ARHGAP32: variants seen among roughly 807,000 people sequenced by gnomAD.
ARHGAP32 encodes the protein Rho GTPase activating protein 32, also known as rho GTPase-activating protein 32.
ARHGAP32 carries 51 observed loss-of-function variants against 186.5 expected under a neutral mutation model. The ratio of observed to expected loss-of-function variants is 0.27; its 90% CI spans 0.22 to 0.35. The LOEUF (loss-of-function observed/expected upper bound fraction) is 0.35, where lower values mean the gene tolerates loss of function less well. ARHGAP32 is among the 10% of genes least tolerant of loss of function. ARHGAP32 has a pLI of 1.00. For missense variants in ARHGAP32, 2,186 were observed against 2,623.5 expected (o/e 0.83, Z 3.64); for synonymous variants, 950 against 964.3 (o/e 0.99, Z 0.27).
At chr11:129,112,409 C>T (rs1942247257) in intron 5 of ARHGAP32, among the ~76,000 whole-genome samples, 1 of 151,920 alleles carries the variant, frequency 6.6e-6, no homozygotes, top group African/African-American at 2.4e-5. Flanking sequence ...TTCTGAGCTT[C>T]CTGTATCTGC....
chr11:129,019,830 A>C (rs1322321468), intron 11 of ARHGAP32, among the ~76,000 whole-genome samples: 1 of 152,162 alleles, frequency 6.6e-6, no homozygotes, highest in African/African-American at 2.4e-5. Context: ...AGTCTAATTA[A>C]GGTCATCCAT....
chr11:129,101,724 A>G (rs1941904828), intron 5 of ARHGAP32, among the ~76,000 whole-genome samples: 1 of 152,192 alleles, frequency 6.6e-6, no homozygotes, highest in Admixed American at 6.5e-5. Flanking sequence ...CCAAATCTAC[A>G]ACCCCCTGGT....
chr11:129,068,503 A>T (rs1330681090), intron 6 of ARHGAP32, among the ~76,000 whole-genome samples: 1 of 152,062 alleles, frequency 6.6e-6, no homozygotes. Context: ...AAGTGGTAAC[A>T]CCAATTTATT....
At position 129,164,340 on chromosome 11, in the gene ARHGAP32, C is replaced by T. The variant is rs1222333305; in HGVS notation, c.204G>A (p.Trp68Ter). Residue 68 changes from tryptophan (W) to a stop codon, truncating the protein, a stop_gained, in exon 2 of 23, where the codon TGG (tryptophan) becomes TGA (stop). Transcript: ENST00000682385. LOFTEE classifies it high-confidence loss of function. ...TTACCATTGCGCTAAGAGTTTCTTCCCAATCAGGCCGCTCTCGAGGGTGTA... is the reference window on the plus strand; with the variant it reads ...TTACCATTGCGCTAAGAGTTTCTTCTCAATCAGGCCGCTCTCGAGGGTGTA... ...RNVHPRERPD[W>*]EETLSAMARG... 1.3e-6 allele frequency: 2 copies of T among 1,573,268 alleles called. No homozygotes were observed. The highest frequency in any genetic ancestry group is 2.3e-5 in the East Asian group (1 of 43,502).
At position 129,192,153 on chromosome 11, in the gene ARHGAP32, A is replaced by G. The variant is rs763213953; in HGVS notation, c.46T>C (p.Phe16Leu). The change falls in exon 1 of 23, where the codon TTC (phenylalanine) becomes CTC (leucine). Residue 16 changes from phenylalanine (F) to leucine (L), a missense_variant. By Grantham distance (22) the Phe-to-Leu change is conservative (BLOSUM62 0). This residue lies in a region of ARHGAP32 where 108 missense variants were observed against 116.8 expected (regional missense o/e 0.92). Transcript: ENST00000682385. ...ATTATAACTTCAGACTCCAACCAGA[A>G]GACACTGTCATCCCCTAAAGTGCTA... ...ESSTLGDDSV[F>L]WLESEVIIQV... is the part of the protein sequence containing the mutation. The G allele has an allele frequency of 6.2e-7, 1 of 1,613,802 alleles. No homozygotes were observed. The highest frequency in any genetic ancestry group is 1.3e-5 in the African/African-American group (1 of 74,922).
chr11:128,973,923 A>G (rs528273087), intron 21 of ARHGAP32: 4 of 611,994 alleles, frequency 6.5e-6, no homozygotes, highest in Non-Finnish European at 1.1e-5. Context: ...GAAGATTTGA[A>G]GCAGGACCAT....
At chr11:129,218,034 G>A (rs1357365069) in intron 1 of ARHGAP32, among the ~76,000 whole-genome samples, 2 of 152,182 alleles carry the variant, frequency 1.3e-5, no homozygotes, top group African/African-American at 4.8e-5. Context: ...CACAGTGCTT[G>A]TAAGTTGCTC....
At chr11:129,106,986 GAGTTCCACACCA>G (rs1942065220) in intron 5 of ARHGAP32, among the ~76,000 whole-genome samples, 1 of 152,084 alleles carries the variant, frequency 6.6e-6, no homozygotes, top group African/African-American at 2.4e-5. Flanking sequence ...AAAATCCAAA[GAGTTCCACACCA>G]AGACACACTA....
intron 6 of ARHGAP32, among the ~76,000 whole-genome samples, chr11:129,080,462 T>C (rs1048077009): frequency 2.0e-5 from 3 of 152,106 alleles, no homozygotes; most frequent in South Asian, 4.1e-4. Flanking sequence ...CTCAAAACTA[T>C]GCAAATACAT....
intron 1 of ARHGAP32, among the ~76,000 whole-genome samples, chr11:129,263,458 C>G (rs920070531): frequency 2.0e-5 from 3 of 151,710 alleles, no homozygotes; most frequent in Non-Finnish European, 4.4e-5. Flanking sequence ...AAGTGGCCAA[C>G]AAGCATATGA....
At chr11:129,012,383 C>T (rs953540445) in intron 11 of ARHGAP32, among the ~76,000 whole-genome samples, 2 of 152,200 alleles carry the variant, frequency 1.3e-5, no homozygotes, top group African/African-American at 2.4e-5. Context: ...AACACTCACA[C>T]ACTTTCCTGA....
chr11:129,214,340 T>C (rs1030048150), intron 1 of ARHGAP32, among the ~76,000 whole-genome samples: 9 of 152,318 alleles, frequency 5.9e-5, no homozygotes, highest in Admixed American at 2.0e-4. Context: ...GTAGGGGAAA[T>C]TGGATATGAG....
intron 1 of ARHGAP32, among the ~76,000 whole-genome samples, chr11:129,268,323 TGGA>T (rs1393776281): frequency 1.3e-5 from 2 of 152,130 alleles, no homozygotes; most frequent in African/African-American, 4.8e-5. Flanking sequence ...CAGAAATGCA[TGGA>T]GTAGTGTTCC....
intron 1 of ARHGAP32, among the ~76,000 whole-genome samples, chr11:129,227,607 G>T (rs1172020305): frequency 1.3e-5 from 2 of 151,896 alleles, no homozygotes; most frequent in East Asian, 3.9e-4. Context: ...ATACCAAAAG[G>T]AGAGATGAAA....
Position 129,013,958 on chromosome 11 carries a change from C to T in ARHGAP32, c.1046-15490G>A, listed in dbSNP as rs538564230. Among the ~76,000 whole-genome samples the T allele has an allele frequency of 3.9e-3, 593 of 152,238 alleles. 2 individuals carry two copies. Among genetic ancestry groups the T allele is most frequent in the African/African-American group, 0.014 (567 of 41,538 alleles). ...TTCTACAGAACACTGGCAAGCAAGG[C>T]TGTGAGGATTAAGGTCCACCAAACA... On this transcript the variant is annotated intron_variant, in intron 11 of 22. Transcript: ENST00000682385.
At chr11:129,046,459 A>G (rs1025701016) in intron 10 of ARHGAP32, among the ~76,000 whole-genome samples, 1 of 152,110 alleles carries the variant, frequency 6.6e-6, no homozygotes, top group Non-Finnish European at 1.5e-5. Flanking sequence ...CACCTCTAAC[A>G]GCTTCTGATA....
At position 129,192,306 on chromosome 11, in the gene ARHGAP32, C is replaced by T. The variant is rs760890228; in HGVS notation, c.-108G>A. Reference sequence around the variant, plus strand: ...TGTATACTCAGATGTGTGTCTGGTGCCCTAGTGACAGGTACTGGTGCTGGT... The same window carrying T: ...TGTATACTCAGATGTGTGTCTGGTGTCCTAGTGACAGGTACTGGTGCTGGT... On this transcript the variant is annotated 5_prime_UTR_variant, in exon 1 of 23. Coordinates refer to ENST00000682385, the MANE Select transcript of ARHGAP32 (RefSeq NM_001378024.1). The T allele has an allele frequency of 2.9e-5, 22 of 755,372 alleles. No homozygotes were observed. The highest frequency in any genetic ancestry group is 5.0e-5 in the Non-Finnish European group (22 of 439,854). The allele number at this position is 755,372 out of a possible 1,614,324, so 46.8% of individuals were successfully genotyped here.
At chr11:129,279,506 C>CCGCCCCCGCAG (rs1306864085), upstream of ARHGAP32, among the ~76,000 whole-genome samples, 51 of 144,368 alleles carry the variant, frequency 3.5e-4, 2 homozygotes, top group East Asian at 3.1e-3. Flanking sequence ...CGCCTTCGGG[C>CCGCCCCCGCAG]CGCCCCCGCA....
intron 12 of ARHGAP32, among the ~76,000 whole-genome samples, chr11:128,993,574 T>C (rs1946121118): frequency 6.6e-6 from 1 of 151,954 alleles, no homozygotes; most frequent in African/African-American, 2.4e-5. Context: ...TTAAAATATA[T>C]AATCAATTCT....
Sources: allele counts gnomAD v4.1 joint callset (sites outside exome capture counted in the v4.1 genomes callset), GRCh38; gene constraint gnomAD v4.1.1; regional missense constraint gnomAD v4.1.1; transcripts MANE v1.5; gene names NCBI Gene and HGNC (gene_info 2026-07-23, HGNC 2026-07-21).